The following FHIT variants were observed in gnomAD, a reference collection of about 807,000 sequenced individuals.
FHIT encodes fragile histidine triad diadenosine triphosphatase.
In FHIT, 19 loss-of-function variants were observed where a neutral mutation model predicts 17.9. That is an observed-to-expected ratio of 1.06 (90% confidence interval 0.74 to 1.56). The LOEUF (loss-of-function observed/expected upper bound fraction) is 1.56, where lower values mean the gene tolerates loss of function less well. Among genes scored for constraint, FHIT ranks in the 40% most tolerant of loss-of-function variants. The pLI is 0.00. For synonymous variants in FHIT, 81 were observed against 69.7 expected, an observed-to-expected ratio of 1.16 and a Z score of -0.81; for missense variants, 248 against 189.2, an observed-to-expected ratio of 1.31 and a Z score of -1.82.
At chr3:60,096,322 T>G (rs1167077649) in intron 5 of FHIT, among the ~76,000 whole-genome samples, 1 of 152,130 alleles carries the variant, frequency 6.6e-6, no homozygotes, top group African/African-American at 2.4e-5. Context: ...TCCACCCAAT[T>G]TGTCTGAGTC....
At chr3:60,372,505 TC>T (rs1301503446) in intron 5 of FHIT, among the ~76,000 whole-genome samples, 1 of 152,316 alleles carries the variant, frequency 6.6e-6, no homozygotes, top group East Asian at 1.9e-4. Context: ...GGTTTCTTTT[TC>T]TTCCTGAATC....
At chr3:60,001,023 G>A (rs12107689) in intron 7 of FHIT, among the ~76,000 whole-genome samples, 3,667 of 152,178 alleles carry the variant, frequency 0.024, 141 homozygotes, top group African/African-American at 0.083. Flanking sequence ...TGGGTTTATG[G>A]GTTATCTCTT....
At chr3:60,132,517 A>AAAAG (rs1479238959) in intron 5 of FHIT, among the ~76,000 whole-genome samples, 2 of 152,228 alleles carry the variant, frequency 1.3e-5, no homozygotes, top group African/African-American at 4.8e-5. Flanking sequence ...GATAGATGTT[A>AAAAG]AAAGAATGGA....
chr3:59,752,013 G>A (rs1700935089), intron 9 of FHIT: 2 of 441,634 alleles, frequency 4.5e-6, no homozygotes, highest in Non-Finnish European at 8.0e-6. Context: ...GAAGAAGAGA[G>A]TGAAGAGGCA....
chr3:60,905,764 G>A (rs1347511328), intron 3 of FHIT, among the ~76,000 whole-genome samples: 5 of 152,126 alleles, frequency 3.3e-5, no homozygotes, highest in Admixed American at 1.3e-4. Flanking sequence ...AAAAGGAAGC[G>A]TATGTATATT....
intron 2 of FHIT, among the ~76,000 whole-genome samples, chr3:61,057,432 T>C (rs549346266): frequency 6.6e-6 from 1 of 152,260 alleles, no homozygotes; most frequent in African/African-American, 2.4e-5. Flanking sequence ...AAGGCCTTTG[T>C]TTTCCAGAAC....
chr3:60,651,757 T>G (rs1477230885), intron 4 of FHIT, among the ~76,000 whole-genome samples: 3 of 152,160 alleles, frequency 2.0e-5, no homozygotes, highest in African/African-American at 7.2e-5. Flanking sequence ...ATTCCAAGCA[T>G]TAGATTAACA....
At chr3:60,359,277 CTTTTTTTTT>C (rs71089599) in intron 5 of FHIT, among the ~76,000 whole-genome samples, 1 of 109,910 alleles carries the variant, frequency 9.1e-6, no homozygotes. Flanking sequence ...ATGAAAATAT[CTTTTTTTTT>C]TTTTTTTTTT....
chr3:60,294,806 A>G (rs563065803), intron 5 of FHIT, among the ~76,000 whole-genome samples: 1 of 152,272 alleles, frequency 6.6e-6, no homozygotes, highest in Non-Finnish European at 1.5e-5. Flanking sequence ...AACCTTTTGA[A>G]ATTGGCTTTT....
chr3:61,003,684 A>G (rs956923576), intron 3 of FHIT, among the ~76,000 whole-genome samples: 15 of 152,350 alleles, frequency 9.8e-5, no homozygotes, highest in African/African-American at 3.6e-4. Context: ...ACATTTTGGA[A>G]CCAATTTTAA....
intron 3 of FHIT, among the ~76,000 whole-genome samples, chr3:60,996,878 A>G (rs551301939): frequency 1.3e-5 from 2 of 152,392 alleles, no homozygotes; most frequent in East Asian, 3.9e-4. Context: ...TGTTTGGCAT[A>G]TGCCGTATTT....
chr3:61,162,163 C>A (rs184953694), intron 2 of FHIT, among the ~76,000 whole-genome samples: 1 of 152,202 alleles, frequency 6.6e-6, no homozygotes, highest in African/African-American at 2.4e-5. Flanking sequence ...CTCTACCTGA[C>A]ACACTTGAAG....
intron 5 of FHIT, among the ~76,000 whole-genome samples, chr3:60,122,430 C>G (rs1436870480): frequency 6.6e-6 from 1 of 152,022 alleles, no homozygotes. Flanking sequence ...ATTTGTTTTG[C>G]TAGGAATTCA....
intron 2 of FHIT, among the ~76,000 whole-genome samples, chr3:61,066,342 G>A (rs112280024): frequency 6.6e-5 from 10 of 152,292 alleles, no homozygotes; most frequent in African/African-American, 1.7e-4. Context: ...GGCCGGGCAT[G>A]GTGGCTCACA....
chr3:60,448,664 C>T (rs1240400904), intron 5 of FHIT, among the ~76,000 whole-genome samples: 2 of 152,116 alleles, frequency 1.3e-5, no homozygotes, highest in Admixed American at 6.6e-5. Context: ...TTACTGGCCT[C>T]CTGGACAGCA....
At chr3:61,055,384 G>T (rs976858574) in intron 2 of FHIT, among the ~76,000 whole-genome samples, 6 of 152,160 alleles carry the variant, frequency 3.9e-5, no homozygotes, top group African/African-American at 1.4e-4. Context: ...TAATAGAGAT[G>T]AGAAAAACTC....
chr3:59,976,479 T>C (rs1397014299), intron 7 of FHIT, among the ~76,000 whole-genome samples: 1 of 152,032 alleles, frequency 6.6e-6, no homozygotes, highest in African/African-American at 2.4e-5. Context: ...TTTAGAAACT[T>C]TGTCTTAAGA....
At chr3:61,038,317 A>T (rs1418262619) in intron 3 of FHIT, among the ~76,000 whole-genome samples, 1 of 152,224 alleles carries the variant, frequency 6.6e-6, no homozygotes, top group Non-Finnish European at 1.5e-5. Context: ...CTTAAGAAAA[A>T]ATAAGAGTGG....
At chr3:60,720,493 T>C (rs1339986589) in intron 4 of FHIT, among the ~76,000 whole-genome samples, 1 of 152,236 alleles carries the variant, frequency 6.6e-6, no homozygotes, top group Non-Finnish European at 1.5e-5. Context: ...GCTTACTTAA[T>C]GCAGTACCAA....
Sources: allele counts gnomAD v4.1 joint callset (sites outside exome capture counted in the v4.1 genomes callset), GRCh38; gene constraint gnomAD v4.1.1; transcripts MANE v1.5; gene names NCBI Gene and HGNC (gene_info 2026-07-23, HGNC 2026-07-21).